NETO1: variants seen among roughly 807,000 people sequenced by gnomAD.
The protein encoded by NETO1 is neuropilin and tolloid like 1.
In NETO1, 26 loss-of-function variants were observed where a neutral mutation model predicts 61.3. The ratio of observed to expected loss-of-function variants is 0.42; its 90% CI spans 0.31 to 0.59. The LOEUF is 0.59. Among genes scored for constraint, NETO1 ranks in the 20% least tolerant of loss-of-function variants. NETO1 has a pLI of 0.12. For synonymous variants in NETO1, 225 were observed against 225.8 expected, an observed-to-expected ratio of 1.00 and a Z score of 0.03; for missense variants, 531 against 662.8, an observed-to-expected ratio of 0.80 and a Z score of 2.18.
chr18:72,823,443 A>T (rs141813219), intron 4 of NETO1, among the ~76,000 whole-genome samples: 13 of 152,244 alleles, frequency 8.5e-5, no homozygotes, highest in African/African-American at 3.1e-4. Flanking sequence ...GACCTAAGGG[A>T]AGAGGGAGAA....
At chr18:72,774,887 G>A (rs946960288) in intron 7 of NETO1, among the ~76,000 whole-genome samples, 3 of 152,168 alleles carry the variant, frequency 2.0e-5, no homozygotes, top group Non-Finnish European at 2.9e-5. Context: ...GTGCCATTTA[G>A]CTTATTACTA....
chr18:72,840,994 C>A (rs12970169), intron 4 of NETO1, among the ~76,000 whole-genome samples: 9,101 of 152,170 alleles, frequency 0.06, 376 homozygotes, highest in Non-Finnish European at 0.086. Flanking sequence ...TTTCCTTGCC[C>A]CTATTAGCAG....
intron 3 of NETO1, among the ~76,000 whole-genome samples, chr18:72,860,241 C>A (rs1156430062): frequency 1.3e-5 from 2 of 152,170 alleles, no homozygotes; most frequent in African/African-American, 2.4e-5. Context: ...TGCTACTTGG[C>A]CCTTTTCAGG....
chr18:72,761,725 A>C (rs1221251708), intron 7 of NETO1, among the ~76,000 whole-genome samples: 1 of 152,240 alleles, frequency 6.6e-6, no homozygotes, highest in African/African-American at 2.4e-5. Context: ...GTAATTTAGT[A>C]GATACATCCT....
At chr18:72,817,607 G>A (rs1277480864) in intron 4 of NETO1, among the ~76,000 whole-genome samples, 1 of 152,238 alleles carries the variant, frequency 6.6e-6, no homozygotes, top group Non-Finnish European at 1.5e-5. Flanking sequence ...ATAGGAAGGA[G>A]CCTGTAAGGT....
At chr18:72,839,681 C>A (rs1382322372) in intron 4 of NETO1, among the ~76,000 whole-genome samples, 2 of 152,196 alleles carry the variant, frequency 1.3e-5, no homozygotes, top group African/African-American at 4.8e-5. Flanking sequence ...GTGCAGACAC[C>A]CTCCCTAAGG....
chr18:72,801,401 T>G (rs1306968241), intron 4 of NETO1, among the ~76,000 whole-genome samples: 1 of 152,252 alleles, frequency 6.6e-6, no homozygotes. Flanking sequence ...CTATTTGTCT[T>G]TTTGCATTCT....
chr18:72,765,755 T>C (rs2071132847), intron 7 of NETO1, among the ~76,000 whole-genome samples: 1 of 152,162 alleles, frequency 6.6e-6, no homozygotes, highest in Non-Finnish European at 1.5e-5. Flanking sequence ...GAATATTAAA[T>C]GCCATCTTCT....
At chr18:72,844,239 G>C (rs1343162658) in intron 4 of NETO1, among the ~76,000 whole-genome samples, 3 of 151,116 alleles carry the variant, frequency 2.0e-5, no homozygotes, top group African/African-American at 7.3e-5. Flanking sequence ...TTGATACCAA[G>C]TTTCTTCTTT....
intron 8 of NETO1, among the ~76,000 whole-genome samples, chr18:72,754,766 T>C (rs911195129): frequency 3.5e-4 from 53 of 152,288 alleles, no homozygotes; most frequent in Admixed American, 3.9e-4. Flanking sequence ...GGATAAAACA[T>C]AGCAGAAAAT....
intron 8 of NETO1, among the ~76,000 whole-genome samples, chr18:72,755,323 C>CA (rs1177966531): frequency 6.6e-6 from 1 of 152,134 alleles, no homozygotes; most frequent in Non-Finnish European, 1.5e-5. Context: ...CTTCTATGCA[C>CA]AGAAGGCTTT....
downstream of NETO1, among the ~76,000 whole-genome samples, chr18:72,743,424 C>A (rs1234147547): frequency 2.0e-5 from 3 of 152,168 alleles, no homozygotes; most frequent in Non-Finnish European, 2.9e-5. Context: ...CAAACTTCTT[C>A]ATTATAAAGC....
At chr18:72,815,906 T>C (rs2073016865) in intron 4 of NETO1, among the ~76,000 whole-genome samples, 1 of 152,164 alleles carries the variant, frequency 6.6e-6, no homozygotes, top group Non-Finnish European at 1.5e-5. Flanking sequence ...ATATCCACAA[T>C]AGACTTGTAC....
intron 7 of NETO1, among the ~76,000 whole-genome samples, chr18:72,765,178 A>G (rs897781897): frequency 6.6e-6 from 1 of 152,164 alleles, no homozygotes; most frequent in Middle Eastern, 3.2e-3. Context: ...CTAAACATTT[A>G]TAGAATTCTT....
intron 4 of NETO1, among the ~76,000 whole-genome samples, chr18:72,836,029 G>A (rs962206241): frequency 2.5e-4 from 38 of 152,278 alleles, no homozygotes; most frequent in African/African-American, 7.2e-4. Context: ...TAAAAGGAAC[G>A]GAATGACTCA....
At chr18:72,845,289 C>A (rs1001841909) in intron 4 of NETO1, among the ~76,000 whole-genome samples, 1 of 152,148 alleles carries the variant, frequency 6.6e-6, no homozygotes, top group Non-Finnish European at 1.5e-5. Context: ...AAATCTGGAG[C>A]TCTGAGAGAT....
Position 72,832,437 on chromosome 18 carries a change from T to C in NETO1, c.469+26389A>G, listed in dbSNP as rs142278004. On this transcript the variant is annotated intron_variant, in intron 4 of 10. Coordinates refer to ENST00000327305, the MANE Select transcript of NETO1 (RefSeq NM_138966.5). ...CCTCAGTGATATAAACCCTTCAGAT[T>C]TTATTTACCTACATTTATCTCTCAG... Among the ~76,000 whole-genome samples, 289 of 152,310 alleles carry C rather than the reference T, an allele frequency of 1.9e-3. 1 individual carries two copies. Among genetic ancestry groups the C allele is most frequent in the African/African-American group, 6.7e-3 (278 of 41,580 alleles).
intron 3 of NETO1, among the ~76,000 whole-genome samples, chr18:72,860,730 T>G (rs63369960): frequency 1.5e-5 from 1 of 64,880 alleles, no homozygotes; most frequent in African/African-American, 3.6e-5. Flanking sequence ...AATGACGTGG[T>G]TTTTTTTTTT....
intron 4 of NETO1, among the ~76,000 whole-genome samples, chr18:72,813,024 G>A (rs1266670987): frequency 6.6e-6 from 1 of 152,182 alleles, no homozygotes; most frequent in Admixed American, 6.5e-5. Context: ...CTGGGAATCT[G>A]ATGAGAGAGC....
Sources: allele counts gnomAD v4.1 joint callset (sites outside exome capture counted in the v4.1 genomes callset), GRCh38; gene constraint gnomAD v4.1.1; transcripts MANE v1.5; gene names NCBI Gene and HGNC (gene_info 2026-07-23, HGNC 2026-07-21).